Variants in KAZN observed in about 807,000 individuals in gnomAD.
KAZN encodes the protein kazrin.
KAZN carries 40 observed loss-of-function variants against 87.4 expected under a neutral mutation model. The ratio of observed to expected loss-of-function variants is 0.46; its 90% CI spans 0.36 to 0.60. The LOEUF is 0.60. Ranked by LOEUF, KAZN falls within the 20% of genes least tolerant of loss-of-function variation. The pLI, the probability that KAZN is intolerant of heterozygous loss-of-function variation, is 0.00. For synonymous variants in KAZN, 466 were observed against 458.3 expected (o/e 1.02, Z -0.22); for missense variants, 898 against 1,073.9 (o/e 0.84, Z 2.29).
chr1:14,482,292 A>T (rs1669127412), intron 2 of KAZN, among the ~76,000 whole-genome samples: 1 of 152,194 alleles, frequency 6.6e-6, no homozygotes, highest in African/African-American at 2.4e-5. Flanking sequence ...GGGCCCAAAG[A>T]AAAAGTAGGT....
intron 2 of KAZN, among the ~76,000 whole-genome samples, chr1:14,446,361 T>G (rs2148322890): frequency 6.6e-6 from 1 of 152,290 alleles, no homozygotes; most frequent in South Asian, 2.1e-4. Flanking sequence ...TACATAGCAA[T>G]GCAGACGGAC....
intron 2 of KAZN, among the ~76,000 whole-genome samples, chr1:14,439,731 G>A (rs992252661): frequency 6.6e-6 from 1 of 152,160 alleles, no homozygotes; most frequent in Non-Finnish European, 1.5e-5. Context: ...GACAGTGCAG[G>A]CCTACAATGC....
At chr1:13,900,421 G>C (rs958683311) in intron 1 of KAZN, among the ~76,000 whole-genome samples, 1 of 152,152 alleles carries the variant, frequency 6.6e-6, no homozygotes, top group East Asian at 1.9e-4. Context: ...AGCTGGTGGT[G>C]CAAGCACTTA....
intron 1 of KAZN, among the ~76,000 whole-genome samples, chr1:13,899,587 T>C (rs1639169128): frequency 6.6e-6 from 1 of 152,094 alleles, no homozygotes; most frequent in African/African-American, 2.4e-5. Flanking sequence ...TGTTCATTGA[T>C]GTCTTCTGTG....
intron 1 of KAZN, among the ~76,000 whole-genome samples, chr1:13,927,971 G>A (rs71629862): frequency 0.011 from 1,630 of 152,302 alleles, 16 homozygotes; most frequent in Non-Finnish European, 0.017. Flanking sequence ...CTGGCAGTGG[G>A]TTCAAGGAAC....
At chr1:14,515,930 T>G (rs1671275374) in intron 2 of KAZN, among the ~76,000 whole-genome samples, 1 of 152,138 alleles carries the variant, frequency 6.6e-6, no homozygotes, top group African/African-American at 2.4e-5. Flanking sequence ...TCACGTAAGC[T>G]CCATGAGACC....
intron 8 of KAZN, among the ~76,000 whole-genome samples, chr1:15,088,531 C>T (rs934682432): frequency 1.3e-5 from 2 of 152,206 alleles, no homozygotes; most frequent in African/African-American, 4.8e-5. Flanking sequence ...TCAGCCAGCA[C>T]CCGCGACTCG....
At chr1:14,059,281 C>T (rs1345213360) in intron 1 of KAZN, among the ~76,000 whole-genome samples, 1 of 152,116 alleles carries the variant, frequency 6.6e-6, no homozygotes, top group Non-Finnish European at 1.5e-5. Flanking sequence ...GTCCAAAAGC[C>T]TCAAAACCAA....
intron 1 of KAZN, among the ~76,000 whole-genome samples, chr1:14,705,008 T>C (rs1233466076): frequency 1.3e-5 from 2 of 152,194 alleles, no homozygotes; most frequent in Non-Finnish European, 2.9e-5. Flanking sequence ...ATATTAGTCA[T>C]TTGCCATAAC....
intron 1 of KAZN, among the ~76,000 whole-genome samples, chr1:14,603,078 T>C (rs1677103755): frequency 6.6e-6 from 1 of 152,204 alleles, no homozygotes; most frequent in South Asian, 2.1e-4. Context: ...AACTCTTTCG[T>C]GAAGTATAAA....
chr1:14,825,774 G>A (rs921429540), intron 1 of KAZN, among the ~76,000 whole-genome samples: 45 of 152,214 alleles, frequency 3.0e-4, no homozygotes, highest in African/African-American at 6.3e-4. Flanking sequence ...CTTACCTTGC[G>A]TGTCATTGAC....
chr1:13,952,534 G>A (rs567773796), intron 1 of KAZN, among the ~76,000 whole-genome samples: 9 of 152,072 alleles, frequency 5.9e-5, no homozygotes, highest in Middle Eastern at 3.4e-3. Context: ...GGTGAATTTT[G>A]GCTTTATTGA....
intron 2 of KAZN, among the ~76,000 whole-genome samples, chr1:14,377,529 A>G (rs552372666): frequency 4.6e-5 from 7 of 152,320 alleles, no homozygotes; most frequent in Non-Finnish European, 7.3e-5. Context: ...TCGACTCCTC[A>G]TACTCTATTT....
At chr1:14,201,037 C>G (rs1557556098) in intron 2 of KAZN, among the ~76,000 whole-genome samples, 1 of 152,132 alleles carries the variant, frequency 6.6e-6, no homozygotes, top group Non-Finnish European at 1.5e-5. Context: ...TGGTGCATGG[C>G]CTCTCCCGGC....
At position 14,865,826 on chromosome 1, in the gene KAZN, C is replaced by T. The variant is rs186546236; in HGVS notation, c.227-94858C>T. ...AAGGTCTGATGTCCTGGTAAGAAGG[C>T]CACGTGGATACACAGGGAGGAGGCC... On this transcript the variant is annotated intron_variant, in intron 1 of 14. Transcript: ENST00000376030. Among the ~76,000 whole-genome samples the T allele has an allele frequency of 1.5e-4, 23 of 152,236 alleles. No individual in the cohort carries two copies. The East Asian group carries it at 4.4e-3, about 29-fold the overall frequency.
chr1:14,116,238 A>G (rs542962322), intron 1 of KAZN, among the ~76,000 whole-genome samples: 1 of 152,312 alleles, frequency 6.6e-6, no homozygotes, highest in African/African-American at 2.4e-5. Flanking sequence ...GGCATGTCAG[A>G]GGTCTTCAAG....
At chr1:14,828,055 C>A (rs1646947886) in intron 1 of KAZN, among the ~76,000 whole-genome samples, 1 of 152,228 alleles carries the variant, frequency 6.6e-6, no homozygotes, top group South Asian at 2.1e-4. Flanking sequence ...GGGCATAACT[C>A]AGCCCTCCCC....
At chr1:14,308,651 ATACCCAACCTCT>A (rs1655088922) in intron 2 of KAZN, among the ~76,000 whole-genome samples, 1 of 152,198 alleles carries the variant, frequency 6.6e-6, no homozygotes, top group African/African-American at 2.4e-5. Flanking sequence ...CTTGGGCAAC[ATACCCAACCTCT>A]CTGTGCCTGT....
At chr1:14,161,194 G>A (rs1645701788) in intron 1 of KAZN, among the ~76,000 whole-genome samples, 2 of 152,180 alleles carry the variant, frequency 1.3e-5, no homozygotes, top group South Asian at 4.1e-4. Flanking sequence ...CACCATATTA[G>A]CTATCTATTG....
Sources: allele counts gnomAD v4.1 joint callset (sites outside exome capture counted in the v4.1 genomes callset), GRCh38; gene constraint gnomAD v4.1.1; transcripts MANE v1.5; gene names NCBI Gene and HGNC (gene_info 2026-07-23, HGNC 2026-07-21).